Variants in WFS1 observed in about 807,000 individuals in gnomAD.
The protein encoded by WFS1 is wolframin ER transmembrane glycoprotein.
Under a neutral mutation model 68.5 loss-of-function variants are expected in WFS1, and 90 were observed. That is an observed-to-expected ratio of 1.31 (90% confidence interval 1.11 to 1.56). The LOEUF is 1.56. Ranked by LOEUF, WFS1 falls within the 40% of genes most tolerant of loss-of-function variation. The probability of loss-of-function intolerance (pLI) is 0.00; values close to 1 mark genes in which losing one functional copy is unlikely to be tolerated. For missense variants in WFS1, 1,767 were observed against 1,232.6 expected (o/e 1.43, Z -6.49); for synonymous variants, 860 against 540.7 (o/e 1.59, Z -8.19).
chr4:6,291,385 G>A lies in WFS1; in HGVS notation c.631+18G>A, dbSNP rs1560410290. ...CGAGCACGGTGCGAGGATTCACCCTGGGCACCAGCCTTCCCTGGGCGCCAG... is the reference window on the plus strand; with the variant it reads ...CGAGCACGGTGCGAGGATTCACCCTAGGCACCAGCCTTCCCTGGGCGCCAG... On this transcript the variant is annotated intron_variant, in intron 5 of 7. Transcript: ENST00000226760. The A allele has an allele frequency of 5.0e-6, 8 of 1,610,528 alleles. No individual in the cohort carries two copies. The Middle Eastern group carries it at 4.9e-4, about 99-fold the overall frequency.
chr4:6,295,339 C>T, intron 7 of WFS1, 150 bp downstream of exon 7: 2 of 929,648 alleles, frequency 2.2e-6, no homozygotes, highest in East Asian at 2.6e-5. Context: ...TTTGGGTCAT[C>T]ATCTATCGTC....
chr4:6,289,343 T>G (rs1409641688), intron 4 of WFS1, among the ~76,000 whole-genome samples: 1 of 152,366 alleles, frequency 6.6e-6, no homozygotes, highest in East Asian at 1.9e-4. Context: ...TTCATTCTCT[T>G]TGGCTTGTGT....
At position 6,298,289 on chromosome 4, in the gene WFS1, CCAAA is replaced by C. The variant is rs897995518; in HGVS notation, c.862-2362_862-2359del. Among the ~76,000 whole-genome samples the C allele has an allele frequency of 4.6e-5, 7 of 152,190 alleles. No homozygotes were observed. In the East Asian group the frequency reaches 9.6e-4, roughly 21 times the overall value. On this transcript the variant is annotated intron_variant, in intron 7 of 7. Transcript: ENST00000226760. Reference sequence around the variant, plus strand: ...TGGCGTCATACTACAGGGGCTTGCCCCAAACAAACCCTGGAGTAGGTTGGTTTTC... The same window carrying C: ...TGGCGTCATACTACAGGGGCTTGCCCCAAACCCTGGAGTAGGTTGGTTTTC...
At chr4:6,299,124 C>G (rs1029098399) in intron 7 of WFS1, among the ~76,000 whole-genome samples, 2 of 152,252 alleles carry the variant, frequency 1.3e-5, no homozygotes, top group African/African-American at 4.8e-5. Context: ...ACTTTGTCCC[C>G]CATCCCCTCC....
chr4:6,296,080 C>A (rs1432629615), intron 7 of WFS1, among the ~76,000 whole-genome samples: 1 of 152,218 alleles, frequency 6.6e-6, no homozygotes. Flanking sequence ...GAGGAACTGC[C>A]ATCATTGTAT....
Position 6,289,101 on chromosome 4 carries a change from C to G in WFS1, c.430C>G (p.Leu144Val). 1 of 1,582,390 alleles carries G rather than the reference C, an allele frequency of 6.3e-7. No homozygotes were observed. The highest frequency in any genetic ancestry group is 8.6e-7 in the Non-Finnish European group (1 of 1,164,572). Residue 144 changes from leucine to valine, a missense_variant, in exon 4 of 8, where the codon CTG becomes GTG. Transcript: ENST00000226760. Reference sequence around the variant, plus strand: ...GCAGGGCCGTCGCGAGGCTGTGAAGCTGCTTCGCCGGTGCTTGGCGGACAG... The same window carrying G: ...GCAGGGCCGTCGCGAGGCTGTGAAGGTGCTTCGCCGGTGCTTGGCGGACAG... ...AKQGRREAVK[L>V]LRRCLADRRG...
At chr4:6,296,304 G>A (rs1730638133) in intron 7 of WFS1, among the ~76,000 whole-genome samples, 1 of 152,204 alleles carries the variant, frequency 6.6e-6, no homozygotes, top group Non-Finnish European at 1.5e-5. Context: ...GCAGGGACTC[G>A]GAGCCAGACA....
In WFS1 at chr4:6,300,745, C is replaced by G. The variant is rs763666730; in HGVS notation, c.950C>G (p.Thr317Ser). 3.3e-5 allele frequency: 53 copies of G among 1,613,952 alleles called. No individual in the cohort carries two copies. The highest frequency in any genetic ancestry group is 4.3e-5 in the Non-Finnish European group (51 of 1,180,006). Residue 317 changes from threonine to serine, a missense_variant, in exon 8 of 8, where the codon ACC (threonine) becomes AGC (serine). Physicochemically the swap from Thr to Ser is moderately conservative, Grantham distance 58. Coordinates refer to ENST00000226760, the MANE Select transcript of WFS1 (RefSeq NM_006005.3). ...ASRAGMHWLSTIIPTHHINAL... is the reference protein window; with the variant it reads ...ASRAGMHWLSSIIPTHHINAL... ...AGGGCAGGCATGCACTGGCTGTCCA[C>G]CATCATCCCCACGCACCACATCAAC...
intron 1 of WFS1, among the ~76,000 whole-genome samples, chr4:6,271,229 A>G (rs1369550335): frequency 6.6e-6 from 1 of 152,112 alleles, no homozygotes; most frequent in East Asian, 1.9e-4. Context: ...CCAACCAGGG[A>G]TTTGGAGGGA....
At chr4:6,295,685 G>A (rs1730619548) in intron 7 of WFS1, among the ~76,000 whole-genome samples, 1 of 152,262 alleles carries the variant, frequency 6.6e-6, no homozygotes, top group Non-Finnish European at 1.5e-5. Flanking sequence ...CAGTGTGGGA[G>A]CGTGGTGGGT....
intron 1 of WFS1, among the ~76,000 whole-genome samples, chr4:6,273,714 C>T (rs180694685): frequency 1.3e-5 from 2 of 152,346 alleles, no homozygotes; most frequent in East Asian, 1.9e-4. Context: ...ACAGCAGGTC[C>T]TTCCACCGGG....
Position 6,302,359 on chromosome 4 carries a change from C to CA in WFS1, c.2565dup (p.Pro856ThrfsTer84). 2 of 1,613,024 alleles carry CA rather than the reference C, an allele frequency of 1.2e-6. No homozygotes were observed. Among genetic ancestry groups the CA allele is most frequent in the Non-Finnish European group, 1.7e-6 (2 of 1,180,000 alleles). ...TGCCTCAACTGCATGGCCCAGCTCT[C>CA]ACCCACCAGGCGGCACGTGAAGATC... On this transcript the variant is annotated frameshift_variant, in exon 8 of 8. Transcript: ENST00000226760. LOFTEE classifies it high-confidence loss of function.
intron 6 of WFS1, 163 bp from the exon 7 acceptor site, chr4:6,294,878 C>T: frequency 8.4e-7 from 1 of 1,184,790 alleles, no homozygotes; most frequent in Non-Finnish European, 1.2e-6. Context: ...CCAGCCTGGT[C>T]CTCAACCCTC....
chr4:6,302,571 T>C lies in WFS1; in HGVS notation c.*103T>C, dbSNP rs1188022915. The C allele has an allele frequency of 6.6e-7, 1 of 1,524,018 alleles. No homozygotes were observed. Among genetic ancestry groups the C allele is most frequent in the African/African-American group, 1.4e-5 (1 of 73,254 alleles). The allele number at this position is 1,524,018 out of a possible 1,614,324, so 94.4% of individuals were successfully genotyped here. On this transcript the variant is annotated 3_prime_UTR_variant, in exon 8 of 8. Transcript: ENST00000226760. ...TGCACCAGTGCCGCCTGTGCCCACG[T>C]GTGCAGACTGTGGCTGCAGAGACCT...
At chr4:6,288,776 G>T in intron 3 of WFS1, 1 of 684,976 alleles carries the variant, frequency 1.5e-6, no homozygotes, top group Non-Finnish European at 2.5e-6. Flanking sequence ...GGATGGGGTG[G>T]CCACACCTTC....
intron 2 of WFS1, among the ~76,000 whole-genome samples, chr4:6,280,150 C>T (rs894219090): frequency 6.6e-6 from 1 of 152,194 alleles, no homozygotes; most frequent in Non-Finnish European, 1.5e-5. Flanking sequence ...TGTGCCAGGG[C>T]GGGACTCCTC....
Position 6,302,387 on chromosome 4 carries a change from G to A in WFS1, c.2592G>A (p.Glu864=). 1 of 1,613,144 alleles carries A rather than the reference G, an allele frequency of 6.2e-7. No homozygotes were observed. Among genetic ancestry groups the A allele is most frequent in the Non-Finnish European group, 8.5e-7 (1 of 1,179,996 alleles). ...CCACCAGGCGGCACGTGAAGATCGA[G>A]CACGACTGGCGCAGCACCGTGCATG... is the stretch of plus-strand genomic sequence containing the variant. The part of the protein sequence containing the change: ...LSPTRRHVKI[E]HDWRSTVHGA... The change falls in exon 8 of 8, where the codon GAG becomes GAA. Residue 864 remains glutamate, a synonymous_variant. Coordinates refer to ENST00000226760, the MANE Select transcript of WFS1 (RefSeq NM_006005.3).
At chr4:6,284,724 C>G (rs915523050) in intron 2 of WFS1, among the ~76,000 whole-genome samples, 7 of 151,818 alleles carry the variant, frequency 4.6e-5, no homozygotes, top group Admixed American at 1.3e-4. Flanking sequence ...CTCTTTTCAT[C>G]ATAAACCATC....
At chr4:6,280,954 C>T (rs181240309) in intron 2 of WFS1, among the ~76,000 whole-genome samples, 329 of 152,336 alleles carry the variant, frequency 2.2e-3, no homozygotes, top group Non-Finnish European at 2.5e-3. Context: ...GTGCTGCCAC[C>T]GCCTTGACCA....
Sources: gnomAD v4.1 joint callset for allele counts (sites outside exome capture counted in the v4.1 genomes callset) on GRCh38, gnomAD v4.1.1 for gene constraint, MANE v1.5 for transcripts, NCBI Gene and HGNC (gene_info 2026-07-23, HGNC 2026-07-21) for gene names.